PCDHGB1: variants seen among roughly 807,000 people sequenced by gnomAD.
PCDHGB1 encodes the protein protocadherin gamma subfamily B, 1, also known as protocadherin gamma-B1.
Under a neutral mutation model 56.6 loss-of-function variants are expected in PCDHGB1, and 34 were observed. The observed-to-expected ratio is 0.60, with a 90% CI of 0.46 to 0.80. PCDHGB1 has a LOEUF of 0.80. Among genes scored for constraint, PCDHGB1 ranks in the 30% least tolerant of loss-of-function variants. The pLI is 0.00. For missense variants in PCDHGB1, 1,278 were observed against 1,204.6 expected (o/e 1.06, Z -0.90); for synonymous variants, 561 against 505.9 (o/e 1.11, Z -1.46).
At position 141,421,915 on chromosome 5, in the gene PCDHGB1, C is replaced by T. The variant is rs751221129; in HGVS notation, c.2409+69246C>T. ...CATCCGAAAGGGCGCAGTTCCCATT[C>T]GTGTGGTGGTCCTCGATGTAAATGA... is the stretch of plus-strand genomic sequence containing the variant. On this transcript the variant is annotated intron_variant, in intron 1 of 3. Transcript: ENST00000523390. 18 of 1,613,504 alleles carry T rather than the reference C, an allele frequency of 1.1e-5. No individual in the cohort carries two copies. The South Asian group carries it at 1.5e-4, about 14-fold the overall frequency.
Position 141,431,581 on chromosome 5 carries a change from T to A in PCDHGB1, c.2410-63226T>A, listed in dbSNP as rs749863807. Reference sequence around the variant, plus strand: ...CTACCGACCCTGACGAAGGAGTCAATGCGGAAGTGAGGTATTCCTTCCGGT... The same window carrying A: ...CTACCGACCCTGACGAAGGAGTCAAAGCGGAAGTGAGGTATTCCTTCCGGT... On this transcript the variant is annotated intron_variant, in intron 1 of 3. Coordinates refer to ENST00000523390, the MANE Select transcript of PCDHGB1 (RefSeq NM_018922.3). This position sits in a 1 kb window ranked among gnomAD's most constrained non-coding sequence, Gnocchi z 4.8. 3.1e-6 allele frequency: 5 copies of A among 1,614,160 alleles called. No individual in the cohort carries two copies. In the South Asian group the frequency reaches 5.5e-5, roughly 18 times the overall value.
In PCDHGB1 at chr5:141,428,081, C is replaced by A. The variant is rs768842388; in HGVS notation, c.2410-66726C>A. 14 of 1,609,100 alleles carry A rather than the reference C, an allele frequency of 8.7e-6. No individual in the cohort carries two copies. In the African/African-American group the frequency reaches 1.1e-4, roughly 12 times the overall value. ...CGGTGGACGCAGATTCGGGACACAA[C>A]GCTTGGCTGTCCTACCACGTGCTGC... is the stretch of plus-strand genomic sequence containing the variant. On this transcript the variant is annotated intron_variant, in intron 1 of 3. Transcript: ENST00000523390.
chr5:141,404,490 T>G lies in PCDHGB1; in HGVS notation c.2409+51821T>G, dbSNP rs748668164. On this transcript the variant is annotated intron_variant, in intron 1 of 3. Transcript: ENST00000523390. Reference sequence around the variant, plus strand: ...GTCTCTATTAACTCAGACACTGGTGTGCTGTATGCTCTGTGCTCCTTTGAC... The same window carrying G: ...GTCTCTATTAACTCAGACACTGGTGGGCTGTATGCTCTGTGCTCCTTTGAC... 10 of 1,613,632 alleles carry G rather than the reference T, an allele frequency of 6.2e-6. No homozygotes were observed. The Admixed American group carries it at 1.2e-4, about 19-fold the overall frequency.
chr5:141,445,361 G>A (rs2098464750), intron 1 of PCDHGB1, among the ~76,000 whole-genome samples: 2 of 152,138 alleles, frequency 1.3e-5, no homozygotes, highest in African/African-American at 4.8e-5. Context: ...GCCCAAGTCT[G>A]GTCCTGGGTG....
chr5:141,355,810 G>A (rs756091940), intron 1 of PCDHGB1: 2 of 1,613,274 alleles, frequency 1.2e-6, no homozygotes, highest in East Asian at 2.2e-5. Flanking sequence ...AGATCGCGAG[G>A]AAGAGGCGGT....
chr5:141,408,404 G>C lies in PCDHGB1; in HGVS notation c.2409+55735G>C, dbSNP rs372659902. ...GGATGTGTCGGCTCGCAAGCTGCGAGTGAGCGCGGAGAAGCTGCACTTCAG... is the reference window on the plus strand; with the variant it reads ...GGATGTGTCGGCTCGCAAGCTGCGACTGAGCGCGGAGAAGCTGCACTTCAG... On this transcript the variant is annotated intron_variant, in intron 1 of 3. Transcript: ENST00000523390. 6.2e-4 allele frequency: 1,002 copies of C among 1,614,072 alleles called. 1 individual carries two copies. The highest frequency in any genetic ancestry group is 8.3e-4 in the Non-Finnish European group (980 of 1,179,896).
chr5:141,485,441 A>T lies in PCDHGB1; in HGVS notation c.2410-9366A>T. On this transcript the variant is annotated intron_variant, in intron 1 of 3. Coordinates refer to ENST00000523390, the MANE Select transcript of PCDHGB1 (RefSeq NM_018922.3). The surrounding 1 kb of genome is among the most constrained non-coding windows in gnomAD (Gnocchi z 5.7). ...CGGAGCCCTGCTCATCAAGAACCCA[A>T]TCGACCGAGAGGCACTGTGTGGGCT... is the stretch of plus-strand genomic sequence containing the variant. The T allele has an allele frequency of 6.2e-7, 1 of 1,613,910 alleles. No homozygotes were observed. The highest frequency in any genetic ancestry group is 1.1e-5 in the South Asian group (1 of 91,062).
At chr5:141,383,331 G>A (rs1374498220) in intron 1 of PCDHGB1, 1 of 1,613,874 alleles carries the variant, frequency 6.2e-7, no homozygotes, top group East Asian at 2.2e-5. Flanking sequence ...AAATAATGGA[G>A]AATACAGCTC....
Position 141,394,702 on chromosome 5 carries a change from G to A in PCDHGB1, c.2409+42033G>A, listed in dbSNP as rs1246576971. On this transcript the variant is annotated intron_variant, in intron 1 of 3. Coordinates refer to ENST00000523390, the MANE Select transcript of PCDHGB1 (RefSeq NM_018922.3). Reference sequence around the variant, plus strand: ...CACACGGGCGAGGTGCGCACGGCGCGAGCCCTGCTGGACAGAGATGCGCTC... The same window carrying A: ...CACACGGGCGAGGTGCGCACGGCGCAAGCCCTGCTGGACAGAGATGCGCTC... 1.9e-5 allele frequency: 31 copies of A among 1,613,178 alleles called. No homozygotes were observed. Among genetic ancestry groups the A allele is most frequent in the Non-Finnish European group, 2.5e-5 (29 of 1,179,882 alleles).
intron 1 of PCDHGB1, chr5:141,357,069 A>C (rs777295000): frequency 6.2e-7 from 1 of 1,613,964 alleles, no homozygotes; most frequent in Non-Finnish European, 8.5e-7. Context: ...GGCTGCACAC[A>C]GGCGAGGTGC....
In PCDHGB1 at chr5:141,419,475, C is replaced by T. The variant is rs775720158; in HGVS notation, c.2409+66806C>T. On this transcript the variant is annotated intron_variant, in intron 1 of 3. Coordinates refer to ENST00000523390, the MANE Select transcript of PCDHGB1 (RefSeq NM_018922.3). Reference sequence around the variant, plus strand: ...ACGCTGCAGGCCCGCGACCAGGGCTCGCCCGCGCTCAGCGCCAATGTGAGC... The same window carrying T: ...ACGCTGCAGGCCCGCGACCAGGGCTTGCCCGCGCTCAGCGCCAATGTGAGC... The T allele has an allele frequency of 4.6e-5, 74 of 1,612,266 alleles. No homozygotes were observed. The highest frequency in any genetic ancestry group is 5.9e-5 in the Non-Finnish European group (70 of 1,179,514).
chr5:141,477,296 G>C lies in PCDHGB1; in HGVS notation c.2410-17511G>C. On this transcript the variant is annotated intron_variant, in intron 1 of 3. Transcript: ENST00000523390. This position sits in a 1 kb window ranked among gnomAD's most constrained non-coding sequence, Gnocchi z 4.9. ...GCTGGTGACCTGCGAAGTTCCACCG[G>C]GTCTCCCTTTCAGCCTTACTTCTTC... 3 of 1,614,064 alleles carry C rather than the reference G, an allele frequency of 1.9e-6. No individual in the cohort carries two copies. Among genetic ancestry groups the C allele is most frequent in the African/African-American group, 1.3e-5 (1 of 75,014 alleles).
chr5:141,399,704 T>A, intron 1 of PCDHGB1: 1 of 1,613,424 alleles, frequency 6.2e-7, no homozygotes, highest in Non-Finnish European at 8.5e-7. Context: ...ACCTTCGAAC[T>A]CACACTACAG....
At chr5:141,370,057 C>G (rs180898728) in intron 1 of PCDHGB1, among the ~76,000 whole-genome samples, 1 of 152,268 alleles carries the variant, frequency 6.6e-6, no homozygotes, top group East Asian at 1.9e-4. Flanking sequence ...TTTAAAAGTC[C>G]TTTTAAAATG....
rs975525933 is a variant in PCDHGB1, at chr5:141,351,286, G to A, written c.1026G>A (p.Glu342=). 6.2e-7 allele frequency: 1 copy of A among 1,613,760 alleles called. No individual in the cohort carries two copies. Among genetic ancestry groups the A allele is most frequent in the South Asian group, 1.1e-5 (1 of 91,078 alleles). The change falls in exon 1 of 4, where the codon GAG becomes GAA. Residue 342 remains glutamate (E), a synonymous_variant. Transcript: ENST00000523390. Reference sequence around the variant, plus strand: ...TTGACGAGAATGACAATGCCCCAGAGGTGACATTCATGTCCTTCTCTAACC... The same window carrying A: ...TTGACGAGAATGACAATGCCCCAGAAGTGACATTCATGTCCTTCTCTAACC... ...EIVDENDNAP[E]VTFMSFSNQI...
At chr5:141,375,097 G>A in intron 1 of PCDHGB1, 1 of 1,613,904 alleles carries the variant, frequency 6.2e-7, no homozygotes, top group Non-Finnish European at 8.5e-7. Flanking sequence ...TAACTATCTT[G>A]GATGTCAATG....
At chr5:141,402,934 A>G in intron 1 of PCDHGB1, 1 of 1,586,622 alleles carries the variant, frequency 6.3e-7, no homozygotes, top group Non-Finnish European at 8.6e-7. Flanking sequence ...TTTTGAGAAA[A>G]TTCCAAAGCG....
At chr5:141,364,779 C>T (rs1036037278) in intron 1 of PCDHGB1, 1 of 1,613,980 alleles carries the variant, frequency 6.2e-7, no homozygotes, top group East Asian at 2.2e-5. Flanking sequence ...GCTGCAGGGA[C>T]ACGGTTAGTG....
At chr5:141,424,945 C>A (rs2096849463) in intron 1 of PCDHGB1, among the ~76,000 whole-genome samples, 1 of 152,186 alleles carries the variant, frequency 6.6e-6, no homozygotes, top group Admixed American at 6.5e-5. Flanking sequence ...TCTCACATCA[C>A]TTCTAGGTAT....
Sources: allele counts gnomAD v4.1 joint callset (sites outside exome capture counted in the v4.1 genomes callset), GRCh38; gene constraint gnomAD v4.1.1; non-coding constraint Gnocchi (gnomAD v3.1); transcripts MANE v1.5; gene names NCBI Gene and HGNC (gene_info 2026-07-23, HGNC 2026-07-21).